TRMT6: variants seen among roughly 807,000 people sequenced by gnomAD.
TRMT6 encodes tRNA (adenine(58)-N(1))-methyltransferase non-catalytic subunit TRM6.
Under a neutral mutation model 59.0 loss-of-function variants are expected in TRMT6, and 34 were observed. The ratio of observed to expected loss-of-function variants is 0.58; its 90% CI spans 0.44 to 0.77. TRMT6 has a LOEUF of 0.77. TRMT6 is among the 30% of genes least tolerant of loss of function. The pLI, the probability that TRMT6 is intolerant of heterozygous loss-of-function variation, is 0.00. For synonymous variants in TRMT6, 217 were observed against 210.5 expected, an observed-to-expected ratio of 1.03 and a Z score of -0.27; for missense variants, 575 against 604.5, an observed-to-expected ratio of 0.95 and a Z score of 0.51.
intron 1 of TRMT6, among the ~76,000 whole-genome samples, chr20:5,949,286 C>T (rs968541886): frequency 1.3e-5 from 2 of 152,000 alleles, no homozygotes; most frequent in East Asian, 1.9e-4. Context: ...GCTTGAACCT[C>T]GGAGGCAGAG....
Position 5,941,105 on chromosome 20 carries a change from C to G in TRMT6, c.1250G>C (p.Arg417Thr), listed in dbSNP as rs1357407925. Residue 417 changes from arginine (R) to threonine (T), a missense_variant, in exon 10 of 11, where the codon AGG becomes ACG. Physicochemically the swap from Arg to Thr is moderately conservative, Grantham distance 71. Transcript: ENST00000203001. ...CAGCCTGAGGTTGATGACCCCTCCC[C>G]TCTCCCGCAGTTTTGTGTAGCATTC... ...LLECYTKLRERGGVINLRLSE... is the reference protein window; with the variant it reads ...LLECYTKLRETGGVINLRLSE... 1.9e-6 allele frequency: 3 copies of G among 1,614,082 alleles called. No individual in the cohort carries two copies. The highest frequency in any genetic ancestry group is 2.5e-6 in the Non-Finnish European group (3 of 1,180,036).
rs905843431 is a variant in TRMT6, at chr20:5,938,269, T to C, written c.*266A>G. The stretch of plus-strand genomic sequence containing the variant: ...TTTTAGGATGTTGAAGTTCTCAAGA[T>C]ATTTGCACAGAATATTTAGAAGTAC... On this transcript the variant is annotated 3_prime_UTR_variant, in exon 11 of 11. Transcript: ENST00000203001. 9.6e-5 allele frequency: 33 copies of C among 342,584 alleles called. No individual in the cohort carries two copies. The highest frequency in any genetic ancestry group is 6.6e-4 in the African/African-American group (32 of 48,292). 21.2% of individuals were successfully genotyped at this position (342,584 alleles called of 1,614,324 possible). A position where few individuals can be genotyped will look rare whatever the true frequency, so the allele number is the denominator to read the frequency against.
chr20:5,940,174 C>T (rs1881865656), intron 10 of TRMT6, among the ~76,000 whole-genome samples: 3 of 152,194 alleles, frequency 2.0e-5, no homozygotes, highest in South Asian at 2.1e-4. Context: ...TTTCTCTACC[C>T]GCTCCTTGCC....
rs2088621901 is a variant in TRMT6, at chr20:5,937,981, AC to A, written c.*553del. ...CACAAAAAAGAGCAGTAAAATAAAT[AC>A]TCAGAACTTTCCCAGGTTGTCAACT... On this transcript the variant is annotated 3_prime_UTR_variant, in exon 11 of 11. Transcript: ENST00000203001. The A allele has an allele frequency of 6.6e-6, 1 of 152,238 alleles. No individual in the cohort carries two copies. Among genetic ancestry groups the A allele is most frequent in the Admixed American group, 6.5e-5 (1 of 15,284 alleles). 9.4% of individuals were successfully genotyped at this position (152,238 alleles called of 1,614,324 possible). A position where few individuals can be genotyped will look rare whatever the true frequency, so the allele number is the denominator to read the frequency against.
At chr20:5,942,217 T>C in intron 7 of TRMT6, 181 bp from the exon 8 acceptor site, 1 of 712,230 alleles carries the variant, frequency 1.4e-6, no homozygotes, top group South Asian at 1.8e-5. Flanking sequence ...AAAACCATGA[T>C]TAAGCTATCT....
In TRMT6 at chr20:5,950,399, C is replaced by G. The variant is rs1410370876; in HGVS notation, c.7G>C (p.Gly3Arg). ME[G>R]SGEQPGPQPQ... ...TGTGGGCCCGGCTGCTCCCCTGAGC[C>G]CTCCATGACGCTCAGCCGGTCGCCG... Residue 3 changes from glycine to arginine, a missense_variant, in exon 1 of 11, where the codon GGC becomes CGC. Gly to Arg is a moderately radical substitution (Grantham distance 125). Coordinates refer to ENST00000203001, the MANE Select transcript of TRMT6 (RefSeq NM_015939.5). 6 of 1,597,432 alleles carry G rather than the reference C, an allele frequency of 3.8e-6. No individual in the cohort carries two copies. In the East Asian group the frequency reaches 1.3e-4, roughly 36 times the overall value.
rs759215412 is a variant in TRMT6 at position 5,942,834 on chromosome 20, C to T, written c.668-48G>A. 2.8e-6 allele frequency: 4 copies of T among 1,434,576 alleles called. No individual in the cohort carries two copies. The South Asian group carries it at 3.7e-5, about 13-fold the overall frequency. 88.9% of individuals were successfully genotyped at this position (1,434,576 alleles called of 1,614,324 possible). On this transcript the variant is annotated intron_variant, in intron 6 of 10. Coordinates refer to ENST00000203001, the MANE Select transcript of TRMT6 (RefSeq NM_015939.5). ...CATCTGCCCGTGGAGTGACTCTAGA[C>T]TACGTAAACCCTCAGTGAGTCCTCC...
chr20:5,944,672 A>G, intron 3 of TRMT6, 133 bp downstream of exon 3: 3 of 631,124 alleles, frequency 4.8e-6, no homozygotes. Context: ...TAACATGTAC[A>G]TTTCAACCTA....
intron 1 of TRMT6, 97 bp from the exon 2 acceptor site, chr20:5,946,630 T>TG (rs34149955): frequency 8.8e-7 from 1 of 1,138,134 alleles, no homozygotes. Flanking sequence ...GTCTCCACAA[T>TG]GGATGATCAG....
intron 1 of TRMT6, among the ~76,000 whole-genome samples, chr20:5,949,681 T>C (rs1217372617): frequency 6.6e-6 from 1 of 152,174 alleles, no homozygotes; most frequent in Non-Finnish European, 1.5e-5. Flanking sequence ...ATCTATTCTG[T>C]GTATCCTGCT....
chr20:5,945,186 T>C (rs1298692433), intron 2 of TRMT6, among the ~76,000 whole-genome samples: 1 of 152,242 alleles, frequency 6.6e-6, no homozygotes, highest in East Asian at 1.9e-4. Context: ...CTTAAAACCA[T>C]ACAGTGGCTT....
chr20:5,944,719 C>T (rs6117012), intron 3 of TRMT6, 86 bp downstream of exon 3: 22,825 of 944,964 alleles, frequency 0.024, 498 homozygotes, highest in Admixed American at 0.086. Flanking sequence ...TTTTGTTTTA[C>T]CTTAGGTACA....
rs1225475969 is a variant in TRMT6 at position 5,946,435 on chromosome 20, G to C, written c.227C>G (p.Pro76Arg). ...AGTAGGCTCTTCCCTCTTCTTCTTGGGCTGTAGACTTCCTCCACTGGTCAC... is the reference window on the plus strand; with the variant it reads ...AGTAGGCTCTTCCCTCTTCTTCTTGCGCTGTAGACTTCCTCCACTGGTCAC... ...FEVTSGGSLQ[P>R]KKKREEPTAE... Residue 76 changes from proline (P) to arginine (R), a missense_variant, in exon 2 of 11, where the codon CCC becomes CGC. Physicochemically the swap from Pro to Arg is moderately radical, Grantham distance 103 (BLOSUM62 -2). Transcript: ENST00000203001. 6.2e-7 allele frequency: 1 copy of C among 1,613,976 alleles called. No homozygotes were observed. Among genetic ancestry groups the C allele is most frequent in the Admixed American group, 1.7e-5 (1 of 59,982 alleles).
chr20:5,944,884 T>G lies in TRMT6; in HGVS notation c.287A>C (p.Asn96Thr). ...CTGAGATTTCCCATCATCAACTATA[T>G]TTCGATTATCAGTGCCCGCTTCTTT... Reference protein sequence around the residue: ...ETKEAGTDNRNIVDDGKSQKL... With the variant: ...ETKEAGTDNRTIVDDGKSQKL... Residue 96 changes from asparagine (N) to threonine (T), a missense_variant, in exon 3 of 11, where the codon AAT becomes ACT. Physicochemically the swap from Asn to Thr is moderately conservative, Grantham distance 65. Coordinates refer to ENST00000203001, the MANE Select transcript of TRMT6 (RefSeq NM_015939.5). The G allele has an allele frequency of 6.2e-7, 1 of 1,614,048 alleles. No homozygotes were observed. Among genetic ancestry groups the G allele is most frequent in the Non-Finnish European group, 8.5e-7 (1 of 1,179,910 alleles).
At chr20:5,943,837 G>GT (rs2088681095) in intron 5 of TRMT6, 111 bp downstream of exon 5, 1 of 1,522,270 alleles carries the variant, frequency 6.6e-7, no homozygotes, top group Non-Finnish European at 8.8e-7. Flanking sequence ...AATTTATGAG[G>GT]TAGGAGGATA....
intron 10 of TRMT6, among the ~76,000 whole-genome samples, chr20:5,939,687 C>T (rs894051383): frequency 2.0e-5 from 3 of 152,050 alleles, no homozygotes; most frequent in African/African-American, 7.2e-5. Context: ...GGAGAAGTTG[C>T]TACTGAATGT....
chr20:5,944,748 A>G, intron 3 of TRMT6, 57 bp downstream of exon 3: 1 of 1,390,288 alleles, frequency 7.2e-7, no homozygotes, highest in Non-Finnish European at 1.0e-6. Flanking sequence ...TAAAAACCCA[A>G]CAGTTTCCTA....
chr20:5,943,852 A>C, intron 5 of TRMT6, 96 bp downstream of exon 5: 1 of 1,531,220 alleles, frequency 6.5e-7, no homozygotes, highest in Non-Finnish European at 8.7e-7. Flanking sequence ...AGGATACTTT[A>C]TGCAGGTGAG....
rs1282352410 is a variant in TRMT6 at position 5,937,958 on chromosome 20, CA to C, written c.*576del. 1 of 152,038 alleles carries C rather than the reference CA, an allele frequency of 6.6e-6. No homozygotes were observed. Among genetic ancestry groups the C allele is most frequent in the Non-Finnish European group, 1.5e-5 (1 of 68,010 alleles). The allele number at this position is 152,038 out of a possible 1,614,324, so 9.4% of individuals were successfully genotyped here. ...GTACCCTACTAAACCTTTCTATGCA[CA>C]AAAAAGAGCAGTAAAATAAATACTC... On this transcript the variant is annotated 3_prime_UTR_variant, in exon 11 of 11. Transcript: ENST00000203001.
Sources: allele counts gnomAD v4.1 joint callset (sites outside exome capture counted in the v4.1 genomes callset), GRCh38; gene constraint gnomAD v4.1.1; transcripts MANE v1.5; gene names NCBI Gene and HGNC (gene_info 2026-07-23, HGNC 2026-07-21).